Variants in PCCA observed in about 807,000 individuals in gnomAD.
The protein encoded by PCCA is propionyl-CoA carboxylase subunit alpha, also known as propionyl-CoA carboxylase alpha chain, mitochondrial.
A neutral mutation model predicts 101.3 loss-of-function variants in PCCA; 74 were observed. The observed-to-expected ratio is 0.73, with a 90% CI of 0.61 to 0.89. The LOEUF (loss-of-function observed/expected upper bound fraction) is 0.89, where lower values mean the gene tolerates loss of function less well. PCCA is among the 40% of genes least tolerant of loss of function. PCCA has a pLI of 0.00. For missense variants in PCCA, 891 were observed against 907.0 expected, an observed-to-expected ratio of 0.98 and a Z score of 0.23; for synonymous variants, 294 against 313.6, an observed-to-expected ratio of 0.94 and a Z score of 0.66.
intron 9 of PCCA, among the ~76,000 whole-genome samples, chr13:100,261,829 G>C (rs563777811): frequency 2.0e-5 from 3 of 152,092 alleles, no homozygotes; most frequent in Non-Finnish European, 4.4e-5. Flanking sequence ...CTGTGTGGGT[G>C]TATGTGGGAG....
intron 8 of PCCA, among the ~76,000 whole-genome samples, chr13:100,250,776 A>C (rs1594931395): frequency 6.6e-6 from 1 of 152,092 alleles, no homozygotes. Flanking sequence ...TGGCAGGTAC[A>C]TTAATTTTGT....
chr13:100,159,804 C>G (rs72658513), intron 6 of PCCA, among the ~76,000 whole-genome samples: 7,433 of 152,266 alleles, frequency 0.049, 267 homozygotes, highest in Non-Finnish European at 0.08. Flanking sequence ...TCCTCACTCT[C>G]TCTGGGTGGG....
At chr13:100,094,495 C>A (rs2046589388) in intron 1 of PCCA, among the ~76,000 whole-genome samples, 1 of 152,044 alleles carries the variant, frequency 6.6e-6, no homozygotes, top group Admixed American at 6.5e-5. Context: ...CTAATAAGAT[C>A]AAAATAAAAG....
chr13:100,186,068 C>T (rs909539476), intron 6 of PCCA, among the ~76,000 whole-genome samples: 2 of 152,326 alleles, frequency 1.3e-5, no homozygotes, highest in East Asian at 3.9e-4. Flanking sequence ...TTCAGTCTTA[C>T]CATTCCATCT....
At chr13:100,202,374 T>C (rs1405539594) in intron 6 of PCCA, among the ~76,000 whole-genome samples, 1 of 152,216 alleles carries the variant, frequency 6.6e-6, no homozygotes, top group South Asian at 2.1e-4. Context: ...CTTTCTTTCC[T>C]TGAATTTCTT....
intron 6 of PCCA, among the ~76,000 whole-genome samples, chr13:100,167,038 A>G (rs2055117419): frequency 6.6e-6 from 1 of 152,122 alleles, no homozygotes. Context: ...TCTTTTGTCC[A>G]TTTTTAAATT....
intron 16 of PCCA, among the ~76,000 whole-genome samples, chr13:100,324,678 GAA>G (rs2068448739): frequency 6.6e-6 from 1 of 152,164 alleles, no homozygotes; most frequent in African/African-American, 2.4e-5. Context: ...GACGCAGCAT[GAA>G]ATCATAACCA....
intron 8 of PCCA, among the ~76,000 whole-genome samples, chr13:100,244,006 A>G (rs539909163): frequency 6.6e-6 from 1 of 152,156 alleles, no homozygotes; most frequent in African/African-American, 2.4e-5. Context: ...AAAAATTTTC[A>G]CATGTTATAT....
chr13:100,137,682 G>A lies in PCCA; in HGVS notation c.301-17297G>A, dbSNP rs376158366. On this transcript the variant is annotated intron_variant, in intron 4 of 23. Transcript: ENST00000376285. ...CCTTTATTTGCTTGATGTTTGCATCGTATTTTTTCCCATCATTTTACCTTT... is the reference window on the plus strand; with the variant it reads ...CCTTTATTTGCTTGATGTTTGCATCATATTTTTTCCCATCATTTTACCTTT... Among the ~76,000 whole-genome samples the A allele has an allele frequency of 9.9e-5, 15 of 151,476 alleles. 1 individual carries two copies. The South Asian group carries it at 1.0e-3, about 10-fold the overall frequency.
chr13:100,306,138 T>G (rs1294200749), intron 14 of PCCA, among the ~76,000 whole-genome samples: 1 of 152,238 alleles, frequency 6.6e-6, no homozygotes, highest in Admixed American at 6.5e-5. Flanking sequence ...AATTAAAATA[T>G]TAAAGGCCTA....
chr13:100,111,457 G>A (rs1284400432), intron 2 of PCCA, among the ~76,000 whole-genome samples: 1 of 151,990 alleles, frequency 6.6e-6, no homozygotes, highest in Non-Finnish European at 1.5e-5. Flanking sequence ...CACTGCACCC[G>A]GGCTTGACCA....
intron 21 of PCCA, among the ~76,000 whole-genome samples, chr13:100,469,554 G>A (rs1021809214): frequency 3.9e-5 from 6 of 151,942 alleles, no homozygotes; most frequent in Non-Finnish European, 5.9e-5. Flanking sequence ...CGAGGCGGGC[G>A]GATCACAAGG....
At chr13:100,265,538 C>T (rs922408548) in intron 10 of PCCA, among the ~76,000 whole-genome samples, 2 of 152,128 alleles carry the variant, frequency 1.3e-5, no homozygotes, top group Non-Finnish European at 2.9e-5. Flanking sequence ...TTAGACTTCA[C>T]CTGTCAACCT....
At chr13:100,280,186 A>G (rs1337546856) in intron 12 of PCCA, among the ~76,000 whole-genome samples, 2 of 152,072 alleles carry the variant, frequency 1.3e-5, no homozygotes, top group Non-Finnish European at 2.9e-5. Context: ...ATCTGGTCAC[A>G]GTTTATGTAA....
intron 21 of PCCA, among the ~76,000 whole-genome samples, chr13:100,452,005 CCTCTCCCT>C (rs2081339529): frequency 8.5e-6 from 1 of 118,182 alleles, no homozygotes; most frequent in Admixed American, 8.9e-5. Flanking sequence ...CTCTCTCTCT[CCTCTCCCT>C]CTCTCCCTCC....
At chr13:100,362,589 C>T (rs1404452346) in intron 18 of PCCA, among the ~76,000 whole-genome samples, 2 of 152,022 alleles carry the variant, frequency 1.3e-5, no homozygotes, top group Non-Finnish European at 1.5e-5. Flanking sequence ...GACAGCTGTG[C>T]CACAGTGCCT....
At chr13:100,163,358 G>A (rs943925857) in intron 6 of PCCA, among the ~76,000 whole-genome samples, 3 of 152,166 alleles carry the variant, frequency 2.0e-5, no homozygotes, top group African/African-American at 7.2e-5. Context: ...TAGTAGCTGT[G>A]TGATCTTGGA....
chr13:100,166,478 T>C (rs957338653), intron 6 of PCCA, among the ~76,000 whole-genome samples: 1 of 152,174 alleles, frequency 6.6e-6, no homozygotes, highest in Non-Finnish European at 1.5e-5. Context: ...TTTGTATTTT[T>C]AGTAGAGACG....
chr13:100,490,208 T>C (rs916098258), intron 21 of PCCA: 2 of 152,244 alleles, frequency 1.3e-5, no homozygotes, highest in African/African-American at 4.8e-5. Context: ...AATATACACA[T>C]CCAATACGTT....
Sources: gnomAD v4.1 joint callset for allele counts (sites outside exome capture counted in the v4.1 genomes callset) on GRCh38, gnomAD v4.1.1 for gene constraint, MANE v1.5 for transcripts, NCBI Gene and HGNC (gene_info 2026-07-23, HGNC 2026-07-21) for gene names.